NCKAP5: variants seen among roughly 807,000 people sequenced by gnomAD.
NCKAP5 encodes NCK associated protein 5, also known as nck-associated protein 5.
NCKAP5 carries 92 observed loss-of-function variants against 167.0 expected under a neutral mutation model. The observed-to-expected ratio is 0.55, with a 90% CI of 0.47 to 0.66. NCKAP5 has a LOEUF of 0.66. Among genes scored for constraint, NCKAP5 ranks in the 30% least tolerant of loss-of-function variants. NCKAP5 has a pLI of 0.00. For missense variants in NCKAP5, 2,378 were observed against 2,315.0 expected, an observed-to-expected ratio of 1.03 and a Z score of -0.56; for synonymous variants, 891 against 877.4, an observed-to-expected ratio of 1.02 and a Z score of -0.27.
intron 11 of NCKAP5, among the ~76,000 whole-genome samples, chr2:132,827,692 TA>T (rs1360545021): frequency 2.0e-5 from 3 of 152,130 alleles, no homozygotes; most frequent in Admixed American, 6.5e-5. Flanking sequence ...CTATGTGCTA[TA>T]AAAAAATTAC....
chr2:133,469,744 G>A (rs200774922), intron 3 of NCKAP5, among the ~76,000 whole-genome samples: 14 of 150,906 alleles, frequency 9.3e-5, no homozygotes, highest in East Asian at 3.9e-4. Flanking sequence ...TTCCCTTCTC[G>A]CTTCATTTCA....
intron 3 of NCKAP5, among the ~76,000 whole-genome samples, chr2:133,445,327 C>A (rs1330953016): frequency 6.6e-6 from 1 of 152,072 alleles, no homozygotes; most frequent in African/African-American, 2.4e-5. Context: ...AAATAAAATC[C>A]AAAGCAACTA....
At chr2:132,716,351 G>T (rs1159019536) in intron 19 of NCKAP5, among the ~76,000 whole-genome samples, 2 of 152,168 alleles carry the variant, frequency 1.3e-5, no homozygotes, top group Admixed American at 1.3e-4. Context: ...ATTTTCACAA[G>T]TGAAGCAGCA....
intron 1 of NCKAP5, 35 bp downstream of exon 1, chr2:133,568,181 A>G (rs1224444367): frequency 6.6e-6 from 1 of 152,190 alleles, no homozygotes; most frequent in African/African-American, 2.4e-5. Context: ...AAAAACTGTT[A>G]CAAGAGTTTA....
intron 11 of NCKAP5, among the ~76,000 whole-genome samples, chr2:132,832,710 T>C (rs1687608407): frequency 6.6e-6 from 1 of 152,210 alleles, no homozygotes; most frequent in Non-Finnish European, 1.5e-5. Context: ...CATTCTTTTT[T>C]ATGTCTGAAC....
At chr2:133,403,274 T>C (rs1156942846) in intron 3 of NCKAP5, among the ~76,000 whole-genome samples, 2 of 152,214 alleles carry the variant, frequency 1.3e-5, no homozygotes, top group African/African-American at 2.4e-5. Context: ...TAAAATGTCA[T>C]GCACCAATGA....
chr2:132,822,997 C>G (rs898556250), intron 11 of NCKAP5, among the ~76,000 whole-genome samples: 1 of 152,032 alleles, frequency 6.6e-6, no homozygotes, highest in Non-Finnish European at 1.5e-5. Context: ...CCCAATCAGA[C>G]AAAGACAATG....
Position 133,389,163 on chromosome 2 carries a change from C to T in NCKAP5, c.70-86053G>A, listed in dbSNP as rs149315563. 2.6e-3 allele frequency among the ~76,000 whole-genome samples: 395 copies of T among 152,330 alleles called. 1 individual carries two copies. Among genetic ancestry groups the T allele is most frequent in the African/African-American group, 9.0e-3 (373 of 41,566 alleles). On this transcript the variant is annotated intron_variant, in intron 3 of 19. Transcript: ENST00000409261. Reference sequence around the variant, plus strand: ...GCTGTACACTGGAGCTGCTCCTGTTCGGCCATCTTGGAACTGCCCCCCACA... The same window carrying T: ...GCTGTACACTGGAGCTGCTCCTGTTTGGCCATCTTGGAACTGCCCCCCACA...
intron 11 of NCKAP5, among the ~76,000 whole-genome samples, chr2:132,832,149 T>A (rs1687567915): frequency 6.6e-6 from 1 of 152,294 alleles, no homozygotes; most frequent in South Asian, 2.1e-4. Context: ...TCAAAATCTG[T>A]AAAATAGCAT....
chr2:132,699,332 A>AT (rs932328966), intron 19 of NCKAP5, among the ~76,000 whole-genome samples: 9 of 151,994 alleles, frequency 5.9e-5, no homozygotes, highest in South Asian at 2.1e-4. Flanking sequence ...GACATGATAG[A>AT]TTTTTTTTAA....
intron 19 of NCKAP5, among the ~76,000 whole-genome samples, chr2:132,696,376 C>T (rs1396162579): frequency 1.3e-5 from 2 of 152,160 alleles, no homozygotes; most frequent in Non-Finnish European, 2.9e-5. Flanking sequence ...AACTAATTGG[C>T]CCTTGTGGAG....
In NCKAP5 at chr2:132,783,019, T is replaced by G. The variant is rs1426441478; in HGVS notation, c.3792A>C (p.Pro1264=). The change falls in exon 14 of 20, where the codon CCA becomes CCC. Residue 1264 remains proline (P), a synonymous_variant. Transcript: ENST00000409261. The stretch of plus-strand genomic sequence containing the variant: ...CTTTGGCGCCATTCATACCCAGAGC[T>G]GGTTTTAGGTGTGGTTTGCTGGAGG... ...SLSSSKPHLK[P]ALGMNGAKAR... The G allele has an allele frequency of 6.2e-7, 1 of 1,613,678 alleles. No individual in the cohort carries two copies. The highest frequency in any genetic ancestry group is 2.2e-5 in the East Asian group (1 of 44,860).
At chr2:133,621,961 G>T in the NCKAP5 span, among the ~76,000 whole-genome samples, 1 of 152,136 alleles carries the variant, frequency 6.6e-6, no homozygotes, top group Non-Finnish European at 1.5e-5. Context: ...TCATACCAGG[G>T]ATGCAGGGGT....
chr2:133,340,944 A>G (rs1241766645), intron 3 of NCKAP5, among the ~76,000 whole-genome samples: 2 of 152,170 alleles, frequency 1.3e-5, no homozygotes, highest in African/African-American at 4.8e-5. Flanking sequence ...AACACTGCAA[A>G]AATGGTTTTA....
At chr2:132,927,084 G>A (rs999291012) in intron 8 of NCKAP5, among the ~76,000 whole-genome samples, 9 of 152,050 alleles carry the variant, frequency 5.9e-5, no homozygotes, top group African/African-American at 2.2e-4. Flanking sequence ...TCATTCTTCT[G>A]CATATGGCAA....
At chr2:133,613,860 T>C in the NCKAP5 span, among the ~76,000 whole-genome samples, 4 of 152,156 alleles carry the variant, frequency 2.6e-5, no homozygotes, top group Non-Finnish European at 5.9e-5. Flanking sequence ...CTTCTTAGAG[T>C]GTTAACAGAA....
chr2:133,238,987 T>C (rs993773186), intron 4 of NCKAP5, among the ~76,000 whole-genome samples: 12 of 152,228 alleles, frequency 7.9e-5, no homozygotes, highest in Non-Finnish European at 1.6e-4. Flanking sequence ...AATTCCTTTA[T>C]GAGGTCCTTA....
At chr2:133,133,814 G>T (rs544729715) in intron 5 of NCKAP5, among the ~76,000 whole-genome samples, 2 of 152,300 alleles carry the variant, frequency 1.3e-5, no homozygotes, top group South Asian at 2.1e-4. Flanking sequence ...TCCATCTAAA[G>T]ATAAGTGCAG....
chr2:133,141,049 G>A (rs1227955376), intron 5 of NCKAP5, among the ~76,000 whole-genome samples: 1 of 151,846 alleles, frequency 6.6e-6, no homozygotes, highest in Non-Finnish European at 1.5e-5. Context: ...ACCTTAGTGG[G>A]CAGCTAGCTC....
Sources: gnomAD v4.1 joint callset for allele counts (sites outside exome capture counted in the v4.1 genomes callset) on GRCh38, gnomAD v4.1.1 for gene constraint, MANE v1.5 for transcripts, NCBI Gene and HGNC (gene_info 2026-07-23, HGNC 2026-07-21) for gene names.